The following CCDC192 variants were observed in gnomAD, a reference collection of about 807,000 sequenced individuals.
CCDC192 encodes the protein coiled-coil domain containing 192.
intron 3 of CCDC192, 71 bp downstream of exon 3, chr5:127,754,446 C>T (rs1016621361): frequency 2.8e-5 from 11 of 391,846 alleles, no homozygotes; most frequent in East Asian, 2.2e-4. Flanking sequence ...AATGTAAACA[C>T]ACGTTTTAAC....
At chr5:127,879,115 A>G (rs1455772768) in intron 6 of CCDC192, among the ~76,000 whole-genome samples, 5 of 152,076 alleles carry the variant, frequency 3.3e-5, no homozygotes, top group Non-Finnish European at 7.4e-5. Flanking sequence ...GGCTGAGACA[A>G]TGGGGTTTTC....
At chr5:127,852,947 G>A (rs927234403) in intron 5 of CCDC192, among the ~76,000 whole-genome samples, 1 of 152,138 alleles carries the variant, frequency 6.6e-6, no homozygotes, top group Non-Finnish European at 1.5e-5. Flanking sequence ...AAAATTAGCC[G>A]GGTGTGGTGG....
chr5:127,931,009 C>T (rs1380140332), intron 6 of CCDC192, among the ~76,000 whole-genome samples: 2 of 152,222 alleles, frequency 1.3e-5, no homozygotes, highest in African/African-American at 4.8e-5. Flanking sequence ...CTGTTCTTAT[C>T]AGTCTTCTTG....
At chr5:127,895,565 T>A (rs1752856981) in intron 6 of CCDC192, among the ~76,000 whole-genome samples, 2 of 152,060 alleles carry the variant, frequency 1.3e-5, no homozygotes, top group African/African-American at 4.8e-5. Flanking sequence ...TAGGGCTGGG[T>A]GTGGTAACTC....
chr5:127,851,335 G>C (rs1453548181), intron 5 of CCDC192, among the ~76,000 whole-genome samples: 2 of 152,094 alleles, frequency 1.3e-5, no homozygotes, highest in Admixed American at 6.5e-5. Flanking sequence ...CATTCACCTA[G>C]CTTTTGGTCA....
At chr5:127,777,133 A>C (rs1410625922) in intron 3 of CCDC192, among the ~76,000 whole-genome samples, 1 of 152,112 alleles carries the variant, frequency 6.6e-6, no homozygotes, top group African/African-American at 2.4e-5. Flanking sequence ...AGCCACAAAC[A>C]CTCAATGCCA....
intron 2 of CCDC192, among the ~76,000 whole-genome samples, chr5:127,723,579 A>C (rs7724521): frequency 1.8e-3 from 275 of 152,342 alleles, no homozygotes; most frequent in African/African-American, 6.3e-3. Context: ...TGATCTGAAG[A>C]AAATTACTTT....
At chr5:127,737,510 G>C (rs1406504450) in intron 2 of CCDC192, among the ~76,000 whole-genome samples, 1 of 151,330 alleles carries the variant, frequency 6.6e-6, no homozygotes, top group Non-Finnish European at 1.5e-5. Flanking sequence ...TCGTTGATCT[G>C]TCTAATGTTA....
chr5:127,904,735 C>G (rs1339548936), intron 6 of CCDC192, among the ~76,000 whole-genome samples: 1 of 152,078 alleles, frequency 6.6e-6, no homozygotes, highest in Non-Finnish European at 1.5e-5. Flanking sequence ...CTCCTGACCT[C>G]AGGTGATCTG....
intron 2 of CCDC192, among the ~76,000 whole-genome samples, chr5:127,718,491 T>G (rs1007779922): frequency 1.4e-5 from 1 of 73,188 alleles, no homozygotes; most frequent in Non-Finnish European, 3.3e-5. Flanking sequence ...TACTAATTTG[T>G]GCTGTGTAGT....
intron 3 of CCDC192, among the ~76,000 whole-genome samples, chr5:127,771,910 C>T (rs1755577869): frequency 1.3e-5 from 2 of 152,102 alleles, no homozygotes; most frequent in African/African-American, 4.8e-5. Context: ...GCCAGAGTTC[C>T]TGTTGGTGTG....
intron 6 of CCDC192, among the ~76,000 whole-genome samples, chr5:127,893,135 A>G (rs1415091451): frequency 6.6e-6 from 1 of 152,156 alleles, no homozygotes; most frequent in Non-Finnish European, 1.5e-5. Flanking sequence ...GTCCACTCCC[A>G]TGTTTTACAG....
At chr5:127,803,507 G>A (rs1348241907) in intron 5 of CCDC192, among the ~76,000 whole-genome samples, 5 of 152,178 alleles carry the variant, frequency 3.3e-5, no homozygotes, top group African/African-American at 4.8e-5. Flanking sequence ...TTGTTAGGGC[G>A]ATTTGAGTCA....
At chr5:127,719,504 T>C (rs866077427) in intron 2 of CCDC192, among the ~76,000 whole-genome samples, 1 of 47,430 alleles carries the variant, frequency 2.1e-5, no homozygotes, top group African/African-American at 8.6e-5. Flanking sequence ...TACACACACA[T>C]ACATATATAT....
At chr5:127,707,908 G>C (rs1160136315) in intron 2 of CCDC192, 148 bp downstream of exon 2, 1 of 365,956 alleles carries the variant, frequency 2.7e-6, no homozygotes, top group Non-Finnish European at 4.9e-6. Context: ...AACATAGAAA[G>C]TTGTTTTCCA....
intron 3 of CCDC192, among the ~76,000 whole-genome samples, chr5:127,778,105 A>G (rs1467334270): frequency 1.3e-5 from 2 of 151,976 alleles, no homozygotes; most frequent in Non-Finnish European, 2.9e-5. Flanking sequence ...TCCAATGTGG[A>G]TGTCTTATTT....
At chr5:127,783,759 C>T (rs181307628) in intron 3 of CCDC192, among the ~76,000 whole-genome samples, 17 of 152,036 alleles carry the variant, frequency 1.1e-4, no homozygotes, top group African/African-American at 3.9e-4. Flanking sequence ...TATTGTATTG[C>T]TGTCTATCTC....
intron 6 of CCDC192, among the ~76,000 whole-genome samples, chr5:127,894,671 A>G (rs1752828967): frequency 6.6e-6 from 1 of 152,210 alleles, no homozygotes; most frequent in South Asian, 2.1e-4. Flanking sequence ...AGCTTCTCCA[A>G]GTTACTACTT....
intron 3 of CCDC192, among the ~76,000 whole-genome samples, chr5:127,777,648 C>A (rs1436633119): frequency 6.6e-6 from 1 of 152,168 alleles, no homozygotes; most frequent in Non-Finnish European, 1.5e-5. Flanking sequence ...ATTGTAACTC[C>A]TGTAAGTCCC....
Sources: gnomAD v4.1 joint callset for allele counts (sites outside exome capture counted in the v4.1 genomes callset) on GRCh38, gnomAD v4.1.1 for gene constraint, MANE v1.5 for transcripts, NCBI Gene and HGNC (gene_info 2026-07-23, HGNC 2026-07-21) for gene names.